The following DRC1 variants were observed in gnomAD, a reference collection of about 807,000 sequenced individuals.
The protein encoded by DRC1 is dynein regulatory complex protein 1.
A neutral mutation model predicts 98.7 loss-of-function variants in DRC1; 74 were observed. The observed-to-expected ratio is 0.75, with a 90% confidence interval of 0.62 to 0.91. The LOEUF is 0.91. Among genes scored for constraint, DRC1 ranks in the 40% least tolerant of loss-of-function variants. The pLI is 0.00. For synonymous variants in DRC1, 336 were observed against 334.1 expected, an observed-to-expected ratio of 1.01 and a Z score of -0.06; for missense variants, 875 against 886.0, an observed-to-expected ratio of 0.99 and a Z score of 0.16.
chr2:26,406,792 T>G (rs1174302339), intron 1 of DRC1, among the ~76,000 whole-genome samples: 2 of 151,352 alleles, frequency 1.3e-5, no homozygotes, highest in Admixed American at 6.6e-5. Context: ...AGGTTTGACA[T>G]TTCTGGGAGA....
intron 1 of DRC1, among the ~76,000 whole-genome samples, chr2:26,404,608 C>G (rs763148726): frequency 6.6e-6 from 1 of 152,182 alleles, no homozygotes; most frequent in Non-Finnish European, 1.5e-5. Context: ...CGTTGAGATA[C>G]TTCAGGGTGG....
chr2:26,414,183 G>T (rs1250170362), intron 1 of DRC1, among the ~76,000 whole-genome samples, 161 bp from the exon 2 acceptor site: 1 of 149,842 alleles, frequency 6.7e-6, no homozygotes, highest in East Asian at 1.9e-4. Flanking sequence ...TGCTATTTTG[G>T]CCATGCTGAT....
At chr2:26,432,288 G>A (rs982966199) in intron 7 of DRC1, among the ~76,000 whole-genome samples, 15 of 152,200 alleles carry the variant, frequency 9.9e-5, no homozygotes, top group African/African-American at 2.2e-4. Flanking sequence ...CTTGAGCCCC[G>A]GAGTTCGAGA....
chr2:26,439,897 AC>A (rs1663665712), intron 7 of DRC1, among the ~76,000 whole-genome samples: 1 of 140,646 alleles, frequency 7.1e-6, no homozygotes, highest in Non-Finnish European at 1.6e-5. Flanking sequence ...TCAGAGGCCC[AC>A]AAGCTAGGGC....
intron 10 of DRC1, chr2:26,448,408 G>C (rs542142503): frequency 5.2e-6 from 3 of 579,012 alleles, no homozygotes; most frequent in Non-Finnish European, 1.0e-5. Context: ...GCTGGATTTT[G>C]AGTATGATGT....
In DRC1 at chr2:26,439,936, T is replaced by TATATATATATATATATAC. The variant is rs548209014; in HGVS notation, c.889-441_889-440insTATATATATATATATACA. On this transcript the variant is annotated intron_variant, in intron 7 of 16. Coordinates refer to ENST00000288710, the MANE Select transcript of DRC1 (RefSeq NM_145038.5). ...ACTAGTGTGTGAATATATATATATATACACACACACATACACACACACACA... is the reference window on the plus strand; with the variant it reads ...ACTAGTGTGTGAATATATATATATATATATATATATATATATACACACACACACATACACACACACACA... Among the ~76,000 whole-genome samples the TATATATATATATATATAC allele has an allele frequency of 1.4e-3, 103 of 75,382 alleles. 11 individuals carry two copies. The highest frequency in any genetic ancestry group is 2.6e-3 in the Non-Finnish European group (81 of 31,114). The allele number at this position is 75,382 out of a possible 152,430, so 49.5% of individuals were successfully genotyped here.
rs59636742 is a variant in DRC1 at position 26,440,345 on chromosome 2, G to GTATA, written c.889-20_889-17dup. 44 of 1,323,398 alleles carry GTATA rather than the reference G, an allele frequency of 3.3e-5. No individual in the cohort carries two copies. In the African/African-American group the frequency reaches 4.7e-4, roughly 14 times the overall value. The allele number at this position is 1,323,398 out of a possible 1,614,324, so 82.0% of individuals were successfully genotyped here. ...TGTGTGTGTGTGTGTGTGTGTGTGT[G>GTATA]TATATATATATATATAGTTTTTTTA... is the stretch of plus-strand genomic sequence containing the variant. On this transcript the variant is annotated intron_variant, in intron 7 of 16. Coordinates refer to ENST00000288710, the MANE Select transcript of DRC1 (RefSeq NM_145038.5).
chr2:26,425,800 T>C (rs550111094), intron 4 of DRC1, among the ~76,000 whole-genome samples: 2 of 152,320 alleles, frequency 1.3e-5, no homozygotes, highest in Non-Finnish European at 1.5e-5. Context: ...TTATGTATTT[T>C]GGACATTAAC....
intron 4 of DRC1, among the ~76,000 whole-genome samples, chr2:26,429,109 C>T (rs566270586): frequency 1.3e-5 from 2 of 152,134 alleles, no homozygotes; most frequent in South Asian, 4.1e-4. Context: ...TGAGCAGAGT[C>T]CATTCCACTC....
At chr2:26,420,500 C>A (rs28473770) in intron 2 of DRC1, among the ~76,000 whole-genome samples, 8,043 of 152,176 alleles carry the variant, frequency 0.053, 651 homozygotes, top group African/African-American at 0.17. Flanking sequence ...CTGCTGGGGA[C>A]AAGGCTGAGA....
intron 1 of DRC1, among the ~76,000 whole-genome samples, chr2:26,409,048 C>T (rs1678513110): frequency 6.6e-6 from 1 of 151,970 alleles, no homozygotes; most frequent in Non-Finnish European, 1.5e-5. Context: ...CCTCCTGCCT[C>T]AGCCTCCTGA....
chr2:26,402,118 C>T lies in DRC1; in HGVS notation c.129C>T (p.Ile43=). ...QERIQARRLR[I]AARLEARRRE... The stretch of plus-strand genomic sequence containing the variant: ...GCATCCAGGCCCGGCGCCTCCGCAT[C>T]GCTGCGCGCTTAGAAGCCCGGAGGC... The change falls in exon 1 of 17, where the codon ATC becomes ATT. Residue 43 remains isoleucine (I), a synonymous_variant. Coordinates refer to ENST00000288710, the MANE Select transcript of DRC1 (RefSeq NM_145038.5). The T allele has an allele frequency of 1.2e-6, 2 of 1,610,798 alleles. No homozygotes were observed. Among genetic ancestry groups the T allele is most frequent in the Non-Finnish European group, 1.7e-6 (2 of 1,179,012 alleles).
intron 1 of DRC1, among the ~76,000 whole-genome samples, chr2:26,411,339 A>G (rs1429232187): frequency 6.6e-6 from 1 of 152,260 alleles, no homozygotes; most frequent in Non-Finnish European, 1.5e-5. Context: ...GTATTATTTT[A>G]ATATGCAATC....
chr2:26,418,634 A>G (rs1390336142), intron 2 of DRC1, among the ~76,000 whole-genome samples: 2 of 103,784 alleles, frequency 1.9e-5, no homozygotes, highest in Admixed American at 1.4e-4. Context: ...TAAATTATAT[A>G]TAATTTATAT....
At chr2:26,413,416 C>A (rs1177939447) in intron 1 of DRC1, among the ~76,000 whole-genome samples, 1 of 152,190 alleles carries the variant, frequency 6.6e-6, no homozygotes, top group Non-Finnish European at 1.5e-5. Flanking sequence ...TTTGACAAAT[C>A]TTGCCGAATT....
chr2:26,433,203 T>A (rs567844735), intron 7 of DRC1, among the ~76,000 whole-genome samples: 1 of 152,218 alleles, frequency 6.6e-6, no homozygotes, highest in Admixed American at 6.5e-5. Context: ...AGCTAAAAAA[T>A]GTATCTCTAA....
chr2:26,447,864 G>T (rs1318348063), intron 10 of DRC1, among the ~76,000 whole-genome samples: 1 of 151,742 alleles, frequency 6.6e-6, no homozygotes, highest in Admixed American at 6.6e-5. Context: ...ACCACGCCTG[G>T]CCTAAGAAGT....
rs764290819 is a variant in DRC1, at chr2:26,454,790, A to G, written c.2063A>G (p.His688Arg). 1.2e-6 allele frequency: 2 copies of G among 1,613,926 alleles called. No homozygotes were observed. The highest frequency in any genetic ancestry group is 1.3e-5 in the African/African-American group (1 of 74,914). The change falls in exon 15 of 17, where the codon CAC becomes CGC. Residue 688 changes from histidine to arginine, a missense_variant and splice_region_variant. Coordinates refer to ENST00000288710, the MANE Select transcript of DRC1 (RefSeq NM_145038.5). This position sits in a 1 kb window ranked among gnomAD's most constrained non-coding sequence, Gnocchi z 5.2. ...CTCTACACAGCCTTGGAGAAGTACC[A>G]GTAAGTGTGCATGTCATGGAGCAGG... The part of the protein sequence containing the change: ...DALYTALEKY[H>R]LVLTQRAKLL...
At chr2:26,449,446 C>T (rs1663942913) in intron 11 of DRC1, among the ~76,000 whole-genome samples, 2 of 152,232 alleles carry the variant, frequency 1.3e-5, no homozygotes, top group Admixed American at 6.5e-5. Context: ...CCCTCTGAAC[C>T]TGCAGCTGGA....
Sources: allele counts gnomAD v4.1 joint callset (sites outside exome capture counted in the v4.1 genomes callset), GRCh38; gene constraint gnomAD v4.1.1; non-coding constraint Gnocchi (gnomAD v3.1); transcripts MANE v1.5; gene names NCBI Gene and HGNC (gene_info 2026-07-23, HGNC 2026-07-21).